The following CDH23 variants were observed in gnomAD, a reference collection of about 807,000 sequenced individuals.
CDH23 encodes cadherin related 23.
Under a neutral mutation model 317.1 loss-of-function variants are expected in CDH23, and 189 were observed. The observed-to-expected ratio is 0.60, with a 90% confidence interval of 0.53 to 0.67. CDH23 has a LOEUF of 0.67. Among genes scored for constraint, CDH23 ranks in the 30% least tolerant of loss-of-function variants. The pLI is 0.00. For missense variants in CDH23, 4,401 were observed against 4,592.4 expected (o/e 0.96, Z 1.20); for synonymous variants, 1,839 against 1,876.8 (o/e 0.98, Z 0.52).
intron 14 of CDH23, among the ~76,000 whole-genome samples, chr10:71,659,108 G>A (rs1375631040): frequency 6.6e-6 from 1 of 152,208 alleles, no homozygotes; most frequent in Non-Finnish European, 1.5e-5. Flanking sequence ...TCACCCTTCA[G>A]TAGGTTCGCT....
chr10:71,549,536 A>G (rs1045306698), intron 6 of CDH23, among the ~76,000 whole-genome samples: 4 of 152,234 alleles, frequency 2.6e-5, no homozygotes, highest in African/African-American at 7.2e-5. Context: ...GGTAACAAGC[A>G]GCAATTCAAA....
At chr10:71,570,199 G>C (rs1285709805) in intron 7 of CDH23, among the ~76,000 whole-genome samples, 3 of 152,156 alleles carry the variant, frequency 2.0e-5, no homozygotes, top group African/African-American at 7.2e-5. Flanking sequence ...TGGTTGGATT[G>C]GGAAAAGTCA....
intron 38 of CDH23, among the ~76,000 whole-genome samples, chr10:71,760,080 T>TAC (rs1471239691): frequency 7.5e-6 from 1 of 132,522 alleles, no homozygotes; most frequent in African/African-American, 2.8e-5. Flanking sequence ...CACATATATA[T>TAC]ACACACACAT....
rs187558465 is a variant in CDH23 at position 71,718,319 on chromosome 10, G to A, written c.3369+5506G>A. Among the ~76,000 whole-genome samples the A allele has an allele frequency of 2.0e-3, 308 of 152,262 alleles. 1 individual carries two copies. Among genetic ancestry groups the A allele is most frequent in the Non-Finnish European group, 2.7e-3 (183 of 68,020 alleles). The stretch of plus-strand genomic sequence containing the variant: ...CAGGACCTCACTCCTGGCTCCCTGC[G>A]CCCAGCCAACTGAGGGCATGCAGAG... On this transcript the variant is annotated intron_variant, in intron 28 of 69. Transcript: ENST00000224721.
At chr10:71,401,818 T>C (rs1001386138) in intron 1 of CDH23, among the ~76,000 whole-genome samples, 6 of 152,216 alleles carry the variant, frequency 3.9e-5, no homozygotes, top group African/African-American at 1.4e-4. Flanking sequence ...TTTCTAATGC[T>C]TGATCTGAAT....
At chr10:71,569,720 T>C (rs1857650814) in intron 7 of CDH23, among the ~76,000 whole-genome samples, 1 of 152,208 alleles carries the variant, frequency 6.6e-6, no homozygotes, top group African/African-American at 2.4e-5. Context: ...ATCTGAATAA[T>C]GGGCTCATCA....
chr10:71,578,872 C>T (rs1481210852), intron 9 of CDH23, among the ~76,000 whole-genome samples: 1 of 152,232 alleles, frequency 6.6e-6, no homozygotes, highest in Non-Finnish European at 1.5e-5. Flanking sequence ...CATACCCCCA[C>T]ATCCCCAGAA....
chr10:71,654,281 G>A lies in CDH23; in HGVS notation c.1449+7664G>A, dbSNP rs750295448. ...CTGAACAGAGGCCCTGCGTGCTCAT[G>A]TTACTCTGGGCCCTGCAGCTTACGT... is the stretch of plus-strand genomic sequence containing the variant. On this transcript the variant is annotated intron_variant, in intron 14 of 69. Coordinates refer to ENST00000224721, the MANE Select transcript of CDH23 (RefSeq NM_022124.6). Among the ~76,000 whole-genome samples, 100 of 152,304 alleles carry A rather than the reference G, an allele frequency of 6.6e-4. 1 individual carries two copies. Among genetic ancestry groups the A allele is most frequent in the Non-Finnish European group, 1.4e-3 (92 of 68,014 alleles).
In CDH23 at chr10:71,511,837, G is replaced by A. The variant is rs192430615; in HGVS notation, c.429+625G>A. 1,077 of 154,874 alleles carry A rather than the reference G, an allele frequency of 7.0e-3. 20 individuals carry two copies. The highest frequency in any genetic ancestry group is 0.03 in the Middle Eastern group (9 of 298). The allele number at this position is 154,874 out of a possible 1,614,324, so 9.6% of individuals were successfully genotyped here. On this transcript the variant is annotated intron_variant, in intron 6 of 69. Transcript: ENST00000224721. Reference sequence around the variant, plus strand: ...GATGGCACCAGGGTTCCCACTGCTTGCGGCCCCTCTCCTGGGTGGCTGATG... The same window carrying A: ...GATGGCACCAGGGTTCCCACTGCTTACGGCCCCTCTCCTGGGTGGCTGATG...
At chr10:71,778,953 TG>T (rs541544030) in intron 40 of CDH23, among the ~76,000 whole-genome samples, 191 of 152,084 alleles carry the variant, frequency 1.3e-3, no homozygotes, top group Admixed American at 3.8e-3. Context: ...TTTGTAGAGG[TG>T]GGGTCTTGCT....
intron 18 of CDH23, among the ~76,000 whole-genome samples, chr10:71,686,990 G>A (rs192520438): frequency 3.3e-5 from 5 of 152,330 alleles, no homozygotes; most frequent in African/African-American, 4.8e-5. Flanking sequence ...GCCAAGCACC[G>A]TGCTCTGGCT....
chr10:71,640,351 G>A (rs1862479446), intron 11 of CDH23, among the ~76,000 whole-genome samples: 1 of 152,200 alleles, frequency 6.6e-6, no homozygotes, highest in African/African-American at 2.4e-5. Context: ...ATACCTTACA[G>A]GCCAATGCTC....
At chr10:71,566,698 T>C in intron 6 of CDH23, 44 bp from the exon 7 acceptor site, 2 of 1,525,570 alleles carry the variant, frequency 1.3e-6, no homozygotes, top group Non-Finnish European at 1.8e-6. Context: ...GCGCAGCTGC[T>C]CCGCACTGGC....
intron 53 of CDH23, among the ~76,000 whole-genome samples, chr10:71,802,605 G>C (rs1260144249): frequency 1.3e-5 from 2 of 152,152 alleles, no homozygotes; most frequent in Non-Finnish European, 2.9e-5. Context: ...GGGATAAGGG[G>C]TTTCTGCTTC....
chr10:71,442,663 G>A (rs1169546610), intron 2 of CDH23, among the ~76,000 whole-genome samples: 1 of 152,086 alleles, frequency 6.6e-6, no homozygotes, highest in South Asian at 2.1e-4. Context: ...GAGGCAGGAA[G>A]CGAAGGCCTG....
intron 26 of CDH23, among the ~76,000 whole-genome samples, chr10:71,708,415 C>T (rs1589357519): frequency 6.6e-6 from 1 of 152,210 alleles, no homozygotes; most frequent in Non-Finnish European, 1.5e-5. Flanking sequence ...CCACACTGCT[C>T]GCCAGCTGGC....
At chr10:71,787,319 AT>A (rs34939679) in intron 44 of CDH23, among the ~76,000 whole-genome samples, 3,018 of 126,352 alleles carry the variant, frequency 0.024, 90 homozygotes, top group African/African-American at 0.074. Context: ...CGCTTTTCAG[AT>A]TTTTTTTTTT....
intron 16 of CDH23, among the ~76,000 whole-genome samples, chr10:71,678,116 A>AT (rs1208433035): frequency 1.3e-5 from 2 of 152,154 alleles, no homozygotes; most frequent in East Asian, 3.9e-4. Flanking sequence ...CAGCTTAAAT[A>AT]TTAGGTCAGA....
intron 11 of CDH23, among the ~76,000 whole-genome samples, chr10:71,639,830 C>G (rs1042679783): frequency 6.6e-6 from 1 of 152,164 alleles, no homozygotes; most frequent in Admixed American, 6.5e-5. Flanking sequence ...ACTTAGCAAA[C>G]TGGAATATCT....
Sources: gnomAD v4.1 joint callset for allele counts (sites outside exome capture counted in the v4.1 genomes callset) on GRCh38, gnomAD v4.1.1 for gene constraint, MANE v1.5 for transcripts, NCBI Gene and HGNC (gene_info 2026-07-23, HGNC 2026-07-21) for gene names.